MALRD1: variants seen among roughly 807,000 people sequenced by gnomAD.
MALRD1 encodes MAM and LDL receptor class A domain containing 1.
A neutral mutation model predicts 242.1 loss-of-function variants in MALRD1; 247 were observed. The ratio of observed to expected loss-of-function variants is 1.02; its 90% confidence interval spans 0.92 to 1.13. MALRD1 has a LOEUF of 1.13. MALRD1 is among the 50% of genes most tolerant of loss of function. MALRD1 has a pLI of 0.00. For synonymous variants in MALRD1, 995 were observed against 866.6 expected, an observed-to-expected ratio of 1.15 and a Z score of -2.60; for missense variants, 2,989 against 2,533.1, an observed-to-expected ratio of 1.18 and a Z score of -3.86.
intron 14 of MALRD1, among the ~76,000 whole-genome samples, chr10:19,191,956 C>T (rs750737564): frequency 1.3e-5 from 2 of 151,892 alleles, no homozygotes; most frequent in Admixed American, 6.6e-5. Context: ...TGAAATCGCT[C>T]GTGCCACTGC....
At chr10:19,560,824 G>T (rs1014758817) in intron 32 of MALRD1, among the ~76,000 whole-genome samples, 1 of 152,126 alleles carries the variant, frequency 6.6e-6, no homozygotes, top group Non-Finnish European at 1.5e-5. Flanking sequence ...GTGGGGGATA[G>T]GGGAGGGATA....
At chr10:19,247,830 T>A (rs2131772976) in intron 18 of MALRD1, among the ~76,000 whole-genome samples, 1 of 151,796 alleles carries the variant, frequency 6.6e-6, no homozygotes, top group Admixed American at 6.6e-5. Context: ...TTTGTTAAAA[T>A]AAAAACTTAA....
chr10:19,363,139 GA>G (rs1379795702), intron 26 of MALRD1, among the ~76,000 whole-genome samples: 2 of 152,080 alleles, frequency 1.3e-5, no homozygotes, highest in African/African-American at 4.8e-5. Flanking sequence ...GGAGGCCTGA[GA>G]GGCAGACATT....
Position 19,503,595 on chromosome 10 carries a change from A to G in MALRD1, c.5320+4949A>G, listed in dbSNP as rs992007542. On this transcript the variant is annotated intron_variant, in intron 31 of 39. Transcript: ENST00000454679. ...TTATGTAGCTTGAATTAATGAAGGC[A>G]TAAGGCACAAAGCTGCTGCTGTCTC... Among the ~76,000 whole-genome samples, 5 of 152,356 alleles carry G rather than the reference A, an allele frequency of 3.3e-5. 1 individual carries two copies.
intron 14 of MALRD1, among the ~76,000 whole-genome samples, chr10:19,201,470 C>T (rs1432481025): frequency 6.6e-6 from 1 of 152,180 alleles, no homozygotes; most frequent in African/African-American, 2.4e-5. Flanking sequence ...TAAGGTTCCC[C>T]TTCCAGGTAG....
intron 32 of MALRD1, among the ~76,000 whole-genome samples, chr10:19,562,426 A>G (rs2131444399): frequency 6.6e-6 from 1 of 152,188 alleles, no homozygotes; most frequent in East Asian, 1.9e-4. Flanking sequence ...GGTGTCCTCA[A>G]AAGAGTTCCT....
At chr10:19,072,937 CAG>C in intron 2 of MALRD1, among the ~76,000 whole-genome samples, 1 of 151,742 alleles carries the variant, frequency 6.6e-6, no homozygotes. Flanking sequence ...TCTGGTTAGA[CAG>C]AGTCTCACTC....
chr10:19,717,477 C>T (rs1251122019), intron 38 of MALRD1, among the ~76,000 whole-genome samples: 2 of 152,140 alleles, frequency 1.3e-5, no homozygotes, highest in Non-Finnish European at 2.9e-5. Context: ...CAGCAGTTTT[C>T]CCCTCCATAA....
At position 19,315,662 on chromosome 10, in the gene MALRD1, T is replaced by A. The variant is rs1842667145; in HGVS notation, c.3420-8287T>A. Among the ~76,000 whole-genome samples the A allele has an allele frequency of 2.3e-5, 3 of 128,866 alleles. No individual in the cohort carries two copies. The Admixed American group carries it at 2.5e-4, about 11-fold the overall frequency. The allele number at this position is 128,866 out of a possible 152,430, so 84.5% of individuals were successfully genotyped here. On this transcript the variant is annotated intron_variant, in intron 21 of 39. Transcript: ENST00000454679. ...TATATAAATATATAAATATTATTTA[T>A]ATGACTATAGTTATATATTATATAT...
chr10:19,525,747 C>A (rs1368728147), intron 31 of MALRD1, among the ~76,000 whole-genome samples: 1 of 151,986 alleles, frequency 6.6e-6, no homozygotes, highest in African/African-American at 2.4e-5. Flanking sequence ...TTGGGAGAGG[C>A]AAAATTCAGA....
chr10:19,357,699 G>T (rs1272418758), intron 26 of MALRD1, among the ~76,000 whole-genome samples: 1 of 152,048 alleles, frequency 6.6e-6, no homozygotes, highest in African/African-American at 2.4e-5. Flanking sequence ...CTTGGAATTT[G>T]CACAATGTAA....
intron 8 of MALRD1, among the ~76,000 whole-genome samples, chr10:19,129,386 T>G (rs1476491420): frequency 6.6e-6 from 1 of 152,130 alleles, no homozygotes; most frequent in Non-Finnish European, 1.5e-5. Flanking sequence ...GCAAAGTATG[T>G]GGGAAGAGGG....
intron 36 of MALRD1, among the ~76,000 whole-genome samples, chr10:19,630,288 A>C (rs1021077753): frequency 5.9e-5 from 9 of 152,162 alleles, no homozygotes; most frequent in South Asian, 2.1e-4. Flanking sequence ...GTTGGTATTG[A>C]ATTCAAAAAT....
chr10:19,433,046 C>T (rs899795873), intron 28 of MALRD1, among the ~76,000 whole-genome samples: 1 of 152,194 alleles, frequency 6.6e-6, no homozygotes, highest in African/African-American at 2.4e-5. Flanking sequence ...ATTTATTGAA[C>T]ACTTACTATG....
chr10:19,262,315 C>T (rs891351351), intron 19 of MALRD1, among the ~76,000 whole-genome samples: 1 of 150,704 alleles, frequency 6.6e-6, no homozygotes. Flanking sequence ...TAGTAATTGA[C>T]ACATCTCTAA....
At chr10:19,359,953 C>T (rs997424232) in intron 26 of MALRD1, among the ~76,000 whole-genome samples, 12 of 151,892 alleles carry the variant, frequency 7.9e-5, no homozygotes, top group African/African-American at 2.9e-4. Context: ...AAACATTACA[C>T]CTTTATTAGT....
chr10:19,595,253 C>T lies in MALRD1; in HGVS notation c.5740C>T (p.Leu1914Phe). Residue 1914 changes from leucine to phenylalanine, a missense_variant, in exon 34 of 40, where the codon CTC (leucine) becomes TTC (phenylalanine). Transcript: ENST00000454679. ...TGATCAGTTTTCTTGTATCTACACA[C>T]TCCAATGTGTCCCTCTCTCAGGGAA... ...EADQFSCIYT[L>F]QCVPLSGKCD... 5 of 1,550,356 alleles carry T rather than the reference C, an allele frequency of 3.2e-6. No homozygotes were observed. The highest frequency in any genetic ancestry group is 4.4e-6 in the Non-Finnish European group (5 of 1,146,718).
intron 22 of MALRD1, among the ~76,000 whole-genome samples, chr10:19,324,594 A>T (rs1478383013): frequency 1.1e-5 from 1 of 93,630 alleles, no homozygotes; most frequent in African/African-American, 4.8e-5. Context: ...TCACTCAGAG[A>T]TCTTATTTTT....
intron 18 of MALRD1, among the ~76,000 whole-genome samples, chr10:19,233,408 A>C (rs1233574228): frequency 1.3e-5 from 2 of 152,164 alleles, no homozygotes; most frequent in Non-Finnish European, 2.9e-5. Context: ...AGGCTGAGAC[A>C]GGAGAATCAT....
Sources: allele counts gnomAD v4.1 joint callset (sites outside exome capture counted in the v4.1 genomes callset), GRCh38; gene constraint gnomAD v4.1.1; transcripts MANE v1.5; gene names NCBI Gene and HGNC (gene_info 2026-07-23, HGNC 2026-07-21).